Variants in MPV17L2 observed in about 807,000 individuals in gnomAD.
The protein encoded by MPV17L2 is MPV17 mitochondrial inner membrane protein like 2, also known as mpv17-like protein 2.
A neutral mutation model predicts 24.2 loss-of-function variants in MPV17L2; 25 were observed. That is an observed-to-expected ratio of 1.03 (90% CI 0.75 to 1.44). The LOEUF is 1.44. Among genes scored for constraint, MPV17L2 ranks in the 40% most tolerant of loss-of-function variants. The pLI, the probability that MPV17L2 is intolerant of heterozygous loss-of-function variation, is 0.00. For synonymous variants in MPV17L2, 130 were observed against 121.4 expected, an observed-to-expected ratio of 1.07 and a Z score of -0.46; for missense variants, 271 against 276.2, an observed-to-expected ratio of 0.98 and a Z score of 0.13.
chr19:18,193,700 G>T (rs1236435589), intron 1 of MPV17L2, 164 bp from the exon 2 acceptor site: 5 of 1,444,782 alleles, frequency 3.5e-6, no homozygotes, highest in Non-Finnish European at 4.5e-6. Flanking sequence ...TCCTGGTGGG[G>T]CTTGTAGTGG....
chr19:18,193,743 C>T lies in MPV17L2; in HGVS notation c.188-121C>T, dbSNP rs1600019353. On this transcript the variant is annotated intron_variant, in intron 1 of 4. Coordinates refer to ENST00000599612, the MANE Select transcript of MPV17L2 (RefSeq NM_032683.3). ...CACGGGTGGGCTCTTCCGGTTTTCC[C>T]GGTGAGGCTGAGGCTCCGGGATGGC... 5 of 1,499,876 alleles carry T rather than the reference C, an allele frequency of 3.3e-6. No individual in the cohort carries two copies. The South Asian group carries it at 4.1e-5, about 12-fold the overall frequency. The allele number at this position is 1,499,876 out of a possible 1,614,324, so 92.9% of individuals were successfully genotyped here.
At position 18,196,139 on chromosome 19, in the gene MPV17L2, A is replaced by C; in HGVS notation, c.*84A>C. On this transcript the variant is annotated 3_prime_UTR_variant, in exon 5 of 5. Coordinates refer to ENST00000599612, the MANE Select transcript of MPV17L2 (RefSeq NM_032683.3). ...AGAAGGGGAATGGGCTCCTGCAGCA[A>C]GCTCGGGTCTTGAGCCACGTCCCAG... The C allele has an allele frequency of 6.2e-7, 1 of 1,606,370 alleles. No individual in the cohort carries two copies. Among genetic ancestry groups the C allele is most frequent in the Non-Finnish European group, 8.5e-7 (1 of 1,177,676 alleles).
Position 18,196,020 on chromosome 19 carries a change from C to T in MPV17L2, c.586C>T (p.Pro196Ser). The change falls in exon 5 of 5, where the codon CCA (proline) becomes TCA (serine). Residue 196 changes from proline (P) to serine (S), a missense_variant. Transcript: ENST00000599612. ...KYRSPVPLTP[P>S]GCVALDTRAD ...ACAGAGCCCAGTTCCTCTGACACCC[C>T]CAGGCTGTGTGGCCCTGGACACCCG... is the stretch of plus-strand genomic sequence containing the variant. 2 of 1,612,828 alleles carry T rather than the reference C, an allele frequency of 1.2e-6. No individual in the cohort carries two copies. Among genetic ancestry groups the T allele is most frequent in the Non-Finnish European group, 1.7e-6 (2 of 1,179,174 alleles).
chr19:18,194,822 A>T lies in MPV17L2; in HGVS notation c.404A>T (p.Glu135Val), dbSNP rs1967481919. Residue 135 changes from glutamate to valine, a missense_variant, in exon 3 of 5, where the codon GAG (glutamate) becomes GTG (valine). Glu to Val is a moderately radical substitution (Grantham distance 121, BLOSUM62 -2). Coordinates refer to ENST00000599612, the MANE Select transcript of MPV17L2 (RefSeq NM_032683.3). ...CAGACAGTGGGTGAGAGCTGCCAGG[A>T]GCTGCGGGAGAAGTTCTGGGAATTC... ...EGQTVGESCQ[E>V]LREKFWEFYK... The T allele has an allele frequency of 6.2e-7, 1 of 1,610,228 alleles. No homozygotes were observed. The highest frequency in any genetic ancestry group is 8.5e-7 in the Non-Finnish European group (1 of 1,178,956).
At chr19:18,195,567 C>T (rs954076092) in intron 4 of MPV17L2, among the ~76,000 whole-genome samples, 1 of 151,028 alleles carries the variant, frequency 6.6e-6, no homozygotes, top group Non-Finnish European at 1.5e-5. Context: ...GGCGCGGTGG[C>T]TCACGCCTGT....
chr19:18,194,675 C>A, intron 2 of MPV17L2, 102 bp from the exon 3 acceptor site: 1 of 1,045,778 alleles, frequency 9.6e-7, no homozygotes, highest in Non-Finnish European at 1.4e-6. Flanking sequence ...GCGGCGTGGG[C>A]TCTCAGGGGC....
intron 4 of MPV17L2, among the ~76,000 whole-genome samples, chr19:18,195,352 C>A (rs1967494577): frequency 6.6e-6 from 1 of 150,640 alleles, no homozygotes; most frequent in East Asian, 2.0e-4. Flanking sequence ...AGAGAGCAGA[C>A]TGGGCAATAT....
At position 18,195,063 on chromosome 19, in the gene MPV17L2, T is replaced by TG. The variant is rs776205205; in HGVS notation, c.541_542insG (p.Tyr181Ter). The TG allele has an allele frequency of 3.1e-6, 5 of 1,614,008 alleles. No individual in the cohort carries two copies. Among genetic ancestry groups the TG allele is most frequent in the African/African-American group, 2.7e-5 (2 of 74,898 alleles). ...CGGCCTGACGCTGGGCTGGGACACG[T>TG]ACCTGTCCTACTTGAAGTACCGGGT... ...INGLTLGWDT[Y>*]LSYLKYRSPV... is the part of the protein sequence containing the mutation. The change falls in exon 4 of 5, where the codon TAC becomes TGAC. Residue 181 changes from tyrosine to a stop codon, truncating the protein, a stop_gained and frameshift_variant. Coordinates refer to ENST00000599612, the MANE Select transcript of MPV17L2 (RefSeq NM_032683.3). LOFTEE classifies it high-confidence loss of function.
In MPV17L2 at chr19:18,194,827, C is replaced by T. The variant is rs778921059; in HGVS notation, c.409C>T (p.Arg137Trp). 1.9e-6 allele frequency: 3 copies of T among 1,609,578 alleles called. No homozygotes were observed. The highest frequency in any genetic ancestry group is 1.1e-5 in the South Asian group (1 of 90,354). ...QTVGESCQEL[R>W]EKFWEFYKAD... The stretch of plus-strand genomic sequence containing the variant: ...AGTGGGTGAGAGCTGCCAGGAGCTG[C>T]GGGAGAAGTTCTGGGAATTCTACAA... Residue 137 changes from arginine to tryptophan, a missense_variant, in exon 3 of 5, where the codon CGG becomes TGG. Coordinates refer to ENST00000599612, the MANE Select transcript of MPV17L2 (RefSeq NM_032683.3).
chr19:18,193,612 C>T, intron 1 of MPV17L2, 144 bp downstream of exon 1: 1 of 1,407,520 alleles, frequency 7.1e-7, no homozygotes, highest in Non-Finnish European at 9.3e-7. Context: ...TGTCTGTCTC[C>T]CCGCAGCTCT....
Position 18,194,824 on chromosome 19 carries a change from C to T in MPV17L2, c.406C>T (p.Leu136=). Residue 136 remains leucine, a synonymous_variant, in exon 3 of 5, where the codon CTG becomes TTG. Coordinates refer to ENST00000599612, the MANE Select transcript of MPV17L2 (RefSeq NM_032683.3). ...GQTVGESCQE[L]REKFWEFYKA... is the part of the protein sequence containing the mutation. ...GACAGTGGGTGAGAGCTGCCAGGAG[C>T]TGCGGGAGAAGTTCTGGGAATTCTA... 1 of 1,610,190 alleles carries T rather than the reference C, an allele frequency of 6.2e-7. No individual in the cohort carries two copies. The highest frequency in any genetic ancestry group is 8.5e-7 in the Non-Finnish European group (1 of 1,178,902).
rs999852276 is a variant in MPV17L2, at chr19:18,196,072, A to T, written c.*17A>T. On this transcript the variant is annotated 3_prime_UTR_variant, in exon 5 of 5. Transcript: ENST00000599612. ...GCAGACTGAACTGTCTGCTTCCTGG[A>T]CCAGATGCAAGACTGTCTCCTGGCG... The T allele has an allele frequency of 5.0e-6, 8 of 1,613,972 alleles. No individual in the cohort carries two copies. In the African/African-American group the frequency reaches 1.1e-4, roughly 22 times the overall value.
chr19:18,193,846 T>C lies in MPV17L2; in HGVS notation c.188-18T>C. ...AACTTGCCGGCCCGACCCAGCCCCC[T>C]GACTTACACTCTTATAGCGAGCATG... On this transcript the variant is annotated intron_variant, in intron 1 of 4. Transcript: ENST00000599612. 6.2e-7 allele frequency: 1 copy of C among 1,611,468 alleles called. No individual in the cohort carries two copies. Among genetic ancestry groups the C allele is most frequent in the Non-Finnish European group, 8.5e-7 (1 of 1,177,908 alleles).
Position 18,193,360 on chromosome 19 carries a change from G to A in MPV17L2, c.79G>A (p.Val27Ile). ...TCTATTCCAGGGCCGCGCGCTGCTC[G>A]TCACTAACACGCTGGGCTGCGGCGC... ...QLLFQGRALLVTNTLGCGALM... is the reference protein window; with the variant it reads ...QLLFQGRALLITNTLGCGALM... The change falls in exon 1 of 5, where the codon GTC (valine) becomes ATC (isoleucine). Residue 27 changes from valine (V) to isoleucine (I), a missense_variant. Val to Ile is a conservative substitution (Grantham distance 29). Coordinates refer to ENST00000599612, the MANE Select transcript of MPV17L2 (RefSeq NM_032683.3). 6.4e-7 allele frequency: 1 copy of A among 1,568,024 alleles called. No individual in the cohort carries two copies.
At chr19:18,194,895 T>C (rs1600021342) in intron 3 of MPV17L2, 42 bp downstream of exon 3, 1 of 1,383,532 alleles carries the variant, frequency 7.2e-7, no homozygotes, top group Non-Finnish European at 9.9e-7. Flanking sequence ...CCCCGCCCCC[T>C]GATGGCCGCT....
At chr19:18,195,843 AC>A (rs1290656869) in intron 4 of MPV17L2, among the ~76,000 whole-genome samples, 155 bp from the exon 5 acceptor site, 1 of 152,232 alleles carries the variant, frequency 6.6e-6, no homozygotes, top group African/African-American at 2.4e-5. Flanking sequence ...TCTCAAACAA[AC>A]AAAAAGACCC....
rs141015940 is a variant in MPV17L2 at position 18,196,057 on chromosome 19, C to G, written c.*2C>G. 26,415 of 1,614,136 alleles carry G rather than the reference C, an allele frequency of 0.016. 252 individuals carry two copies. Among genetic ancestry groups the G allele is most frequent in the Non-Finnish European group, 0.019 (22,704 of 1,179,994 alleles). ...GCCCTGGACACCCGAGCAGACTGAA[C>G]TGTCTGCTTCCTGGACCAGATGCAA... On this transcript the variant is annotated 3_prime_UTR_variant, in exon 5 of 5. Transcript: ENST00000599612.
intron 4 of MPV17L2, 21 bp from the exon 5 acceptor site, chr19:18,195,978 T>A (rs1460182596): frequency 6.3e-7 from 1 of 1,588,294 alleles, no homozygotes; most frequent in African/African-American, 1.3e-5. Context: ...TCTGACCAGA[T>A]GCCTTGTCTT....
In MPV17L2 at chr19:18,193,904, G is replaced by A; in HGVS notation, c.228G>A (p.Leu76=). ...FAVGCSMGPF[L]HYWYLSLDRL... is the part of the protein sequence containing the mutation. Reference sequence around the variant, plus strand: ...TGGGCTGCAGCATGGGTCCCTTCCTGCACTACTGGTACTTGTCGCTGGACC... The same window carrying A: ...TGGGCTGCAGCATGGGTCCCTTCCTACACTACTGGTACTTGTCGCTGGACC... Residue 76 remains leucine (L), a synonymous_variant, in exon 2 of 5, where the codon CTG becomes CTA. Coordinates refer to ENST00000599612, the MANE Select transcript of MPV17L2 (RefSeq NM_032683.3). 1 of 1,614,210 alleles carries A rather than the reference G, an allele frequency of 6.2e-7. No individual in the cohort carries two copies. The highest frequency in any genetic ancestry group is 8.5e-7 in the Non-Finnish European group (1 of 1,180,030).
Sources: gnomAD v4.1 joint callset for allele counts (sites outside exome capture counted in the v4.1 genomes callset) on GRCh38, gnomAD v4.1.1 for gene constraint, MANE v1.5 for transcripts, NCBI Gene and HGNC (gene_info 2026-07-23, HGNC 2026-07-21) for gene names.